ZNF609: variants seen among roughly 807,000 people sequenced by gnomAD.
ZNF609 encodes the protein zinc finger protein 609.
ZNF609 carries 11 observed loss-of-function variants against 109.5 expected under a neutral mutation model. The observed-to-expected ratio is 0.10, with a 90% CI of 0.06 to 0.17. The LOEUF is 0.17. ZNF609 is among the 10% of genes least tolerant of loss of function. The pLI is 1.00. For synonymous variants in ZNF609, 646 were observed against 662.0 expected, an observed-to-expected ratio of 0.98 and a Z score of 0.37; for missense variants, 1,559 against 1,772.4, an observed-to-expected ratio of 0.88 and a Z score of 2.16.
In ZNF609 at chr15:64,675,770, G is replaced by A. The variant is rs1896800479; in HGVS notation, c.2916G>A (p.Leu972=). Residue 972 remains leucine, a synonymous_variant, in exon 5 of 10, where the codon CTG becomes CTA. Coordinates refer to ENST00000326648, the MANE Select transcript of ZNF609 (RefSeq NM_015042.2). Reference sequence around the variant, plus strand: ...GTCCCAATATGTACATGCAGTCCCTGTACTACAACCAGTATGCCTATGTAC... The same window carrying A: ...GTCCCAATATGTACATGCAGTCCCTATACTACAACCAGTATGCCTATGTAC... The part of the protein sequence containing the change: ...QQRPNMYMQS[L]YYNQYAYVPP... The A allele has an allele frequency of 3.7e-6, 6 of 1,614,232 alleles. No homozygotes were observed. In the Middle Eastern group the frequency reaches 4.9e-4, roughly 133 times the overall value.
chr15:64,566,499 T>C (rs1488109531), intron 2 of ZNF609, among the ~76,000 whole-genome samples: 2 of 152,152 alleles, frequency 1.3e-5, no homozygotes, highest in African/African-American at 4.8e-5. Flanking sequence ...TATGTGTAAG[T>C]GTAATTGTAT....
intron 2 of ZNF609, among the ~76,000 whole-genome samples, chr15:64,569,967 A>C (rs1031856913): frequency 6.6e-6 from 1 of 152,204 alleles, no homozygotes; most frequent in African/African-American, 2.4e-5. Context: ...CTGTGTGCCA[A>C]GAACGGAATT....
chr15:64,637,588 G>A (rs1474288332), intron 3 of ZNF609, among the ~76,000 whole-genome samples: 2 of 152,136 alleles, frequency 1.3e-5, no homozygotes, highest in Non-Finnish European at 2.9e-5. Flanking sequence ...CTGGTGGTGT[G>A]TAGTGGTATC....
At chr15:64,558,901 A>G (rs1482079149) in intron 2 of ZNF609, among the ~76,000 whole-genome samples, 1 of 141,164 alleles carries the variant, frequency 7.1e-6, no homozygotes, top group Non-Finnish European at 1.5e-5. Flanking sequence ...TTTTTTTTTT[A>G]GTTGCCATTT....
At chr15:64,623,090 C>G in intron 3 of ZNF609, 38 bp downstream of exon 3, 4 of 1,597,430 alleles carry the variant, frequency 2.5e-6, no homozygotes, top group Non-Finnish European at 3.4e-6. Context: ...CCTTCTCAAC[C>G]TGCTTCTGCA....
intron 1 of ZNF609, among the ~76,000 whole-genome samples, chr15:64,474,867 C>T (rs1427430367): frequency 6.6e-6 from 1 of 152,132 alleles, no homozygotes; most frequent in African/African-American, 2.4e-5. Flanking sequence ...GTTCCCATTG[C>T]CTACATAGGT....
At chr15:64,527,182 G>A (rs1236754801) in intron 2 of ZNF609, among the ~76,000 whole-genome samples, 5 of 150,372 alleles carry the variant, frequency 3.3e-5, no homozygotes, top group Non-Finnish European at 7.4e-5. Context: ...CTTCATTCAT[G>A]CTTTCTGTTC....
At chr15:64,647,136 C>CA (rs35996097) in intron 3 of ZNF609, among the ~76,000 whole-genome samples, 18,556 of 119,668 alleles carry the variant, frequency 0.16, 2,217 homozygotes, top group East Asian at 0.78. Context: ...ACCCTGTCTC[C>CA]AAAAAAAAAA....
intron 2 of ZNF609, among the ~76,000 whole-genome samples, chr15:64,574,119 A>G (rs1894907321): frequency 6.7e-6 from 1 of 150,212 alleles, no homozygotes; most frequent in Non-Finnish European, 1.5e-5. Flanking sequence ...AACAGCTGGA[A>G]TTGTGGCACT....
intron 3 of ZNF609, among the ~76,000 whole-genome samples, chr15:64,649,219 G>T (rs773244027): frequency 6.6e-6 from 1 of 151,982 alleles, no homozygotes; most frequent in Non-Finnish European, 1.5e-5. Context: ...TCATATTGGT[G>T]GTTTTTTAAA....
intron 3 of ZNF609, among the ~76,000 whole-genome samples, chr15:64,635,881 C>CAA (rs1555424173): frequency 6.6e-6 from 1 of 151,950 alleles, no homozygotes. Flanking sequence ...TCTGACTACT[C>CAA]TGAAACAAGG....
upstream of ZNF609, among the ~76,000 whole-genome samples, chr15:64,460,479 C>T (rs1266671134): frequency 6.6e-6 from 1 of 152,160 alleles, no homozygotes; most frequent in Non-Finnish European, 1.5e-5. Context: ...ATCCAGGTTC[C>T]GGGTTTCCCC....
At chr15:64,577,090 A>ATATATACACACAAATATATACATATATG (rs1567019151) in intron 2 of ZNF609, among the ~76,000 whole-genome samples, 3 of 35,022 alleles carry the variant, frequency 8.6e-5, no homozygotes, top group Non-Finnish European at 2.6e-4. Flanking sequence ...ATATACATAT[A>ATATATACACACAAATATATACATATATG]TGTATATATA....
At chr15:64,587,332 A>T (rs547523557) in intron 2 of ZNF609, among the ~76,000 whole-genome samples, 5 of 152,166 alleles carry the variant, frequency 3.3e-5, no homozygotes, top group Non-Finnish European at 7.3e-5. Context: ...TGTTTAGATG[A>T]AACTGTATCT....
chr15:64,575,796 A>G (rs1204351045), intron 2 of ZNF609, among the ~76,000 whole-genome samples: 1 of 152,212 alleles, frequency 6.6e-6, no homozygotes, highest in Non-Finnish European at 1.5e-5. Context: ...ATCTGAGAAA[A>G]TATAAATAAT....
At chr15:64,678,691 C>T (rs1238851014) in intron 6 of ZNF609, among the ~76,000 whole-genome samples, 1 of 152,224 alleles carries the variant, frequency 6.6e-6, no homozygotes. Context: ...GACTACCTCT[C>T]TCTCCCTTGC....
chr15:64,492,969 G>A (rs1371795088), intron 1 of ZNF609, among the ~76,000 whole-genome samples: 1 of 152,182 alleles, frequency 6.6e-6, no homozygotes, highest in African/African-American at 2.4e-5. Flanking sequence ...TGTGACCTGT[G>A]TGGTCTCAAG....
intron 2 of ZNF609, among the ~76,000 whole-genome samples, chr15:64,513,088 CAT>C (rs1476916158): frequency 6.6e-6 from 1 of 152,026 alleles, no homozygotes; most frequent in East Asian, 1.9e-4. Context: ...CTGGTACATG[CAT>C]TACCTATCTA....
At chr15:64,552,335 A>G (rs1410575516) in intron 2 of ZNF609, among the ~76,000 whole-genome samples, 1 of 152,104 alleles carries the variant, frequency 6.6e-6, no homozygotes, top group East Asian at 1.9e-4. Flanking sequence ...ATTTTTATAT[A>G]TGTTGCAAGG....
Sources: allele counts gnomAD v4.1 joint callset (sites outside exome capture counted in the v4.1 genomes callset), GRCh38; gene constraint gnomAD v4.1.1; transcripts MANE v1.5; gene names NCBI Gene and HGNC (gene_info 2026-07-23, HGNC 2026-07-21).